ZFP28: variants seen among roughly 807,000 people sequenced by gnomAD.
The protein encoded by ZFP28 is ZFP28 zinc finger protein.
ZFP28 carries 31 observed loss-of-function variants against 39.5 expected under a neutral mutation model. That is an observed-to-expected ratio of 0.79 (90% CI 0.59 to 1.06). The LOEUF is 1.06. ZFP28 is among the 50% of genes least tolerant of loss of function. The probability of loss-of-function intolerance (pLI) is 0.00; values close to 1 mark genes in which losing one functional copy is unlikely to be tolerated. For missense variants in ZFP28, 925 were observed against 1,048.4 expected, an observed-to-expected ratio of 0.88 and a Z score of 1.63; for synonymous variants, 400 against 378.6, an observed-to-expected ratio of 1.06 and a Z score of -0.66.
chr19:56,550,931 G>T (rs1049856138), intron 7 of ZFP28: 36 of 1,414,474 alleles, frequency 2.5e-5, no homozygotes, highest in African/African-American at 7.2e-5. Context: ...TGGTTAAATG[G>T]CCTATTGTTT....
In ZFP28 at chr19:56,555,381, C is replaced by T. The variant is rs755943964; in HGVS notation, c.2596C>T (p.Pro866Ser). ...PKFLWNPSSLPSP is the reference protein window; with the variant it reads ...PKFLWNPSSLSSP ...ATTTCTCTGGAATCCATCCTCCCTC[C>T]CATCACCATAGCCTCGAGACGTCAT... Residue 866 changes from proline to serine, a missense_variant, in exon 8 of 8, where the codon CCA (proline) becomes TCA (serine). This residue lies in a region of ZFP28 where 369 missense variants were observed against 505.5 expected (regional missense o/e 0.73). Transcript: ENST00000301318. 6.2e-7 allele frequency: 1 copy of T among 1,610,404 alleles called. No homozygotes were observed. The highest frequency in any genetic ancestry group is 8.5e-7 in the Non-Finnish European group (1 of 1,178,030).
rs761916417 is a variant in ZFP28 at position 56,550,120 on chromosome 19, A to G, written c.741A>G (p.Pro247=). 14 of 1,613,402 alleles carry G rather than the reference A, an allele frequency of 8.7e-6. No homozygotes were observed. The South Asian group carries it at 1.3e-4, about 15-fold the overall frequency. ...TTGACTTCCGCCAGCAGCTACACCC[A>G]GCTCAGAAGAATTTCTGTAAGAATG... ...LAVDFRQQLH[P]AQKNFCKNGI... Residue 247 remains proline, a synonymous_variant, in exon 6 of 8, where the codon CCA becomes CCG. Transcript: ENST00000301318.
At chr19:56,551,386 A>G (rs955246336) in intron 7 of ZFP28, 2 of 985,756 alleles carry the variant, frequency 2.0e-6, no homozygotes, top group Non-Finnish European at 2.4e-6. Flanking sequence ...AGTCAGGATA[A>G]ACACACATTT....
chr19:56,550,599 T>G lies in ZFP28; in HGVS notation c.892T>G (p.Phe298Val), dbSNP rs770997323. ...MVKRELTGSL[F>V]SGQRSVHETQ... ...GAAGCGAGAGCTGACAGGAAGCCTG[T>G]TCTCAGGTGAGTGCAGGAGAGCCTG... The change falls in exon 7 of 8, where the codon TTC becomes GTC. Residue 298 changes from phenylalanine to valine, a missense_variant. Physicochemically the swap from Phe to Val is conservative, Grantham distance 50 (BLOSUM62 -1). Around this residue, in one of 2 missense-constraint regions of ZFP28, gnomAD observed 556 missense variants for 542.9 expected, o/e 1.02. Coordinates refer to ENST00000301318, the MANE Select transcript of ZFP28 (RefSeq NM_020828.2). The G allele has an allele frequency of 1.2e-6, 2 of 1,614,036 alleles. No homozygotes were observed. Among genetic ancestry groups the G allele is most frequent in the Non-Finnish European group, 1.7e-6 (2 of 1,179,974 alleles).
At position 56,547,498 on chromosome 19, in the gene ZFP28, A is replaced by G; in HGVS notation, c.301-10A>G. On this transcript the variant is annotated splice_polypyrimidine_tract_variant and intron_variant, in intron 2 of 7. Transcript: ENST00000301318. This position sits in a 1 kb window ranked among gnomAD's most constrained non-coding sequence, Gnocchi z 4.6. Reference sequence around the variant, plus strand: ...ACTGGTTGAGCAAGAACATGGTTATATCATTTCAGGGCTTGGTGACATTTG... The same window carrying G: ...ACTGGTTGAGCAAGAACATGGTTATGTCATTTCAGGGCTTGGTGACATTTG... The G allele has an allele frequency of 1.2e-6, 2 of 1,614,178 alleles. No homozygotes were observed. Among genetic ancestry groups the G allele is most frequent in the East Asian group, 2.2e-5 (1 of 44,860 alleles).
intron 7 of ZFP28, chr19:56,551,985 T>G: frequency 2.1e-6 from 2 of 965,160 alleles, no homozygotes; most frequent in Non-Finnish European, 2.5e-6. Flanking sequence ...ATTTTCAATT[T>G]TTATATAGTC....
Position 56,539,310 on chromosome 19 carries a change from G to C in ZFP28, c.208+84G>C, listed in dbSNP as rs1009554618. The stretch of plus-strand genomic sequence containing the variant: ...ATCTGGGAGGGGGTTGGGCTCTCGG[G>C]GACCAGTTGCTGGAGAACTGTGCCC... On this transcript the variant is annotated intron_variant, in intron 1 of 7. Coordinates refer to ENST00000301318, the MANE Select transcript of ZFP28 (RefSeq NM_020828.2). 4.4e-6 allele frequency: 6 copies of C among 1,372,650 alleles called. No homozygotes were observed. The African/African-American group carries it at 7.3e-5, about 17-fold the overall frequency. 85.0% of individuals were successfully genotyped at this position (1,372,650 alleles called of 1,614,324 possible).
chr19:56,547,350 T>A lies in ZFP28; in HGVS notation c.301-158T>A. The A allele has an allele frequency of 9.3e-7, 1 of 1,070,856 alleles. No homozygotes were observed. Among genetic ancestry groups the A allele is most frequent in the African/African-American group, 1.6e-5 (1 of 63,248 alleles). The allele number at this position is 1,070,856 out of a possible 1,614,324, so 66.3% of individuals were successfully genotyped here. A position where few individuals can be genotyped will look rare whatever the true frequency, so the allele number is the denominator to read the frequency against. ...TCATTTAACCCTAATTACCTCTTTGTAGGCCCTGTCTCTAAATACAGTCAC... is the reference window on the plus strand; with the variant it reads ...TCATTTAACCCTAATTACCTCTTTGAAGGCCCTGTCTCTAAATACAGTCAC... On this transcript the variant is annotated intron_variant, in intron 2 of 7. Coordinates refer to ENST00000301318, the MANE Select transcript of ZFP28 (RefSeq NM_020828.2). The surrounding 1 kb of genome is among the most constrained non-coding windows in gnomAD (Gnocchi z 4.6).
chr19:56,539,417 G>C (rs2044173689), intron 1 of ZFP28, among the ~76,000 whole-genome samples, 191 bp downstream of exon 1: 1 of 152,172 alleles, frequency 6.6e-6, no homozygotes, highest in African/African-American at 2.4e-5. Flanking sequence ...GCGGTAAAAG[G>C]GTGTTGACTT....
In ZFP28 at chr19:56,556,118, A is replaced by G. The variant is rs2044348745; in HGVS notation, c.*726A>G. ...GATCCAGAATAGGGGTCAGCAAACT[A>G]TGACTCATGGCCACAGTCTCACTGA... is the stretch of plus-strand genomic sequence containing the variant. On this transcript the variant is annotated 3_prime_UTR_variant, in exon 8 of 8. Transcript: ENST00000301318. 1.3e-5 allele frequency: 2 copies of G among 152,238 alleles called. No homozygotes were observed. Among genetic ancestry groups the G allele is most frequent in the African/African-American group, 2.4e-5 (1 of 41,460 alleles). 9.4% of individuals were successfully genotyped at this position (152,238 alleles called of 1,614,324 possible).
Position 56,554,719 on chromosome 19 carries a change from A to G in ZFP28, c.1934A>G (p.Tyr645Cys). The change falls in exon 8 of 8, where the codon TAT becomes TGT. Residue 645 changes from tyrosine to cysteine, a missense_variant. Around this residue, in one of 2 missense-constraint regions of ZFP28, gnomAD observed 369 missense variants for 505.5 expected, o/e 0.73. Transcript: ENST00000301318. The surrounding 1 kb of genome is among the most constrained non-coding windows in gnomAD (Gnocchi z 6.7). ...HQRIHTGEKP[Y>C]ECKVCSKAFT... The stretch of plus-strand genomic sequence containing the variant: ...AGAATCCATACTGGAGAGAAGCCCT[A>G]TGAATGTAAGGTTTGTAGTAAAGCG... 6 of 1,614,210 alleles carry G rather than the reference A, an allele frequency of 3.7e-6. No individual in the cohort carries two copies. Among genetic ancestry groups the G allele is most frequent in the Non-Finnish European group, 5.1e-6 (6 of 1,180,042 alleles).
chr19:56,537,747 ATCAAT>A (rs1466711977), upstream of ZFP28: 1 of 152,292 alleles, frequency 6.6e-6, no homozygotes, highest in Non-Finnish European at 1.5e-5. Flanking sequence ...CCTGAAAGAA[ATCAAT>A]TCAAGAGTAA....
rs982278931 is a variant in ZFP28 at position 56,556,321 on chromosome 19, G to C, written c.*929G>C. 1 of 152,268 alleles carries C rather than the reference G, an allele frequency of 6.6e-6. No individual in the cohort carries two copies. The highest frequency in any genetic ancestry group is 2.4e-5 in the African/African-American group (1 of 41,472). 9.4% of individuals were successfully genotyped at this position (152,268 alleles called of 1,614,324 possible). A position where few individuals can be genotyped will look rare whatever the true frequency, so the allele number is the denominator to read the frequency against. The stretch of plus-strand genomic sequence containing the variant: ...ACCTTGATTGTGCTGCTTCCAGGCT[G>C]TAGCAGCAGAGTTGAGCAGTTGTGA... On this transcript the variant is annotated 3_prime_UTR_variant, in exon 8 of 8. Transcript: ENST00000301318.
At chr19:56,539,570 G>A (rs1452083048) in intron 1 of ZFP28, 55 bp from the exon 2 acceptor site, 1 of 1,462,192 alleles carries the variant, frequency 6.8e-7, no homozygotes, top group African/African-American at 1.4e-5. Context: ...TTTCTAGGCT[G>A]GTGATTTGGG....
At chr19:56,545,243 T>C (rs553811968) in intron 2 of ZFP28, among the ~76,000 whole-genome samples, 1 of 152,360 alleles carries the variant, frequency 6.6e-6, no homozygotes, top group South Asian at 2.1e-4. Context: ...ATGATGAGTT[T>C]ACCATCAAGA....
Position 56,547,238 on chromosome 19 carries a change from T to C in ZFP28, c.301-270T>C, listed in dbSNP as rs769924571. ...CTTCTCTCTGTGTCCTCACGTGGTCTTTTCCCTGTGCCTGCACACCGTGGT... is the reference window on the plus strand; with the variant it reads ...CTTCTCTCTGTGTCCTCACGTGGTCCTTTCCCTGTGCCTGCACACCGTGGT... On this transcript the variant is annotated intron_variant, in intron 2 of 7. Coordinates refer to ENST00000301318, the MANE Select transcript of ZFP28 (RefSeq NM_020828.2). The surrounding 1 kb of genome is among the most constrained non-coding windows in gnomAD (Gnocchi z 4.6). The C allele has an allele frequency of 1.5e-4, 61 of 402,654 alleles. No individual in the cohort carries two copies. The highest frequency in any genetic ancestry group is 2.2e-4 in the Non-Finnish European group (50 of 225,160). The allele number at this position is 402,654 out of a possible 1,614,324, so 24.9% of individuals were successfully genotyped here.
At chr19:56,549,855 T>C (rs1454568382) in intron 5 of ZFP28, among the ~76,000 whole-genome samples, 1 of 152,190 alleles carries the variant, frequency 6.6e-6, no homozygotes, top group Non-Finnish European at 1.5e-5. Context: ...AAACTCTCCA[T>C]AGCAGAAAGT....
intron 2 of ZFP28, among the ~76,000 whole-genome samples, chr19:56,542,836 G>A (rs894282736): frequency 6.6e-6 from 1 of 152,048 alleles, no homozygotes; most frequent in Non-Finnish European, 1.5e-5. Flanking sequence ...CACAGTCATA[G>A]ATAATTGCAG....
chr19:56,539,509 T>C (rs1600537246), intron 1 of ZFP28, 116 bp from the exon 2 acceptor site: 1 of 886,340 alleles, frequency 1.1e-6, no homozygotes, highest in East Asian at 2.5e-5. Context: ...GTTGTGGCAG[T>C]CCCTAGGCAG....
Sources: allele counts gnomAD v4.1 joint callset (sites outside exome capture counted in the v4.1 genomes callset), GRCh38; gene constraint gnomAD v4.1.1; regional missense constraint gnomAD v4.1.1; non-coding constraint Gnocchi (gnomAD v3.1); transcripts MANE v1.5; gene names NCBI Gene and HGNC (gene_info 2026-07-23, HGNC 2026-07-21).